JPH1: variants seen among roughly 807,000 people sequenced by gnomAD.
The protein encoded by JPH1 is junctophilin 1.
In JPH1, 12 loss-of-function variants were observed where a neutral mutation model predicts 53.6. That is an observed-to-expected ratio of 0.22 (90% CI 0.14 to 0.36). JPH1 has a LOEUF of 0.36. Ranked by LOEUF, JPH1 falls within the 10% of genes least tolerant of loss-of-function variation. The pLI is 1.00. For missense variants in JPH1, 808 were observed against 905.5 expected, an observed-to-expected ratio of 0.89 and a Z score of 1.38; for synonymous variants, 375 against 363.8, an observed-to-expected ratio of 1.03 and a Z score of -0.35.
In JPH1 at chr8:74,259,376, C is replaced by G; in HGVS notation, c.1258+9G>C. On this transcript the variant is annotated intron_variant, in intron 3 of 5. Coordinates refer to ENST00000342232, the MANE Select transcript of JPH1 (RefSeq NM_020647.4). ...TCCTGCCTCACCCATCAAAGGAGCA[C>G]TGTTTTACCTGGTTGGTAGAAATCA... 4 of 1,606,656 alleles carry G rather than the reference C, an allele frequency of 2.5e-6. No homozygotes were observed. In the East Asian group the frequency reaches 8.9e-5, roughly 36 times the overall value.
intron 2 of JPH1, among the ~76,000 whole-genome samples, chr8:74,265,359 T>C (rs930243498): frequency 8.5e-5 from 13 of 152,192 alleles, no homozygotes; most frequent in African/African-American, 3.1e-4. Context: ...ATAGACTTTA[T>C]TCCTTAACAT....
Position 74,320,990 on chromosome 8 carries a change from G to T in JPH1, c.298C>A (p.Leu100Met). The change falls in exon 1 of 6, where the codon CTG (leucine) becomes ATG (methionine). Residue 100 changes from leucine (L) to methionine (M), a missense_variant. Leu to Met is a conservative substitution (Grantham distance 15). Around this residue, in one of 2 missense-constraint regions of JPH1, gnomAD observed 756 missense variants for 811.9 expected, o/e 0.93. Transcript: ENST00000342232. This position sits in a 1 kb window ranked among gnomAD's most constrained non-coding sequence, Gnocchi z 4.4. ...FKGRYGVRQS[L>M]CTPARYEGTW... ...CCCTCGTAGCGAGCGGGGGTGCACA[G>T]GCTCTGCCGGACCCCGTAGCGCCCC... 6.2e-7 allele frequency: 1 copy of T among 1,612,742 alleles called. No homozygotes were observed. The highest frequency in any genetic ancestry group is 8.5e-7 in the Non-Finnish European group (1 of 1,179,486).
At chr8:74,273,638 T>C (rs563525518) in intron 2 of JPH1, among the ~76,000 whole-genome samples, 22 of 152,332 alleles carry the variant, frequency 1.4e-4, no homozygotes, top group Admixed American at 1.0e-3. Flanking sequence ...GGCTATTATG[T>C]AATTCAATTC....
chr8:74,321,292 G>C lies in JPH1; in HGVS notation c.-5C>G. 1.9e-6 allele frequency: 3 copies of C among 1,555,978 alleles called. No individual in the cohort carries two copies. The highest frequency in any genetic ancestry group is 1.8e-4 in the Middle Eastern group (1 of 5,714). ...GTCGAACCTTCCGCCCGTCATTCGG[G>C]GGGCAGCCCCGGCGCGCTCCCCGCA... On this transcript the variant is annotated 5_prime_UTR_variant, in exon 1 of 6. Coordinates refer to ENST00000342232, the MANE Select transcript of JPH1 (RefSeq NM_020647.4). This position sits in a 1 kb window ranked among gnomAD's most constrained non-coding sequence, Gnocchi z 4.3.
At chr8:74,256,392 T>C (rs920988252) in intron 3 of JPH1, among the ~76,000 whole-genome samples, 6 of 93,442 alleles carry the variant, frequency 6.4e-5, no homozygotes, top group African/African-American at 2.0e-4. Context: ...GGGCCTATCA[T>C]GGGGTGGGGG....
At chr8:74,244,044 G>C (rs1348140596) in intron 4 of JPH1, among the ~76,000 whole-genome samples, 1 of 152,220 alleles carries the variant, frequency 6.6e-6, no homozygotes, top group African/African-American at 2.4e-5. Context: ...GTATGTATGA[G>C]AAGAATTCAC....
intron 1 of JPH1, among the ~76,000 whole-genome samples, chr8:74,319,135 T>G (rs1318953436): frequency 6.6e-6 from 1 of 152,138 alleles, no homozygotes; most frequent in Non-Finnish European, 1.5e-5. Flanking sequence ...TTCTACGACA[T>G]GTACACAGAC....
chr8:74,246,636 G>GA (rs1713111550), intron 3 of JPH1, among the ~76,000 whole-genome samples: 1 of 151,700 alleles, frequency 6.6e-6, no homozygotes, highest in Non-Finnish European at 1.5e-5. Flanking sequence ...TATCTTTTCA[G>GA]AAAAAAACAT....
chr8:74,304,854 T>C (rs1459992474), intron 2 of JPH1, among the ~76,000 whole-genome samples: 4 of 152,224 alleles, frequency 2.6e-5, no homozygotes, highest in African/African-American at 9.6e-5. Context: ...AATAACTTTC[T>C]TTTGGCCCAC....
chr8:74,312,336 C>T (rs1463018281), intron 2 of JPH1, among the ~76,000 whole-genome samples: 1 of 152,094 alleles, frequency 6.6e-6, no homozygotes, highest in African/African-American at 2.4e-5. Flanking sequence ...ACTACAGTCT[C>T]GACCTCTGGG....
At chr8:74,275,801 T>C (rs898119702) in intron 2 of JPH1, among the ~76,000 whole-genome samples, 1 of 152,126 alleles carries the variant, frequency 6.6e-6, no homozygotes, top group Non-Finnish European at 1.5e-5. Context: ...AACAAGGATA[T>C]GAGGCAGACA....
At chr8:74,285,614 T>C (rs901342172) in intron 2 of JPH1, among the ~76,000 whole-genome samples, 1 of 143,752 alleles carries the variant, frequency 7.0e-6, no homozygotes, top group East Asian at 2.0e-4. Context: ...TATTTATGAT[T>C]CTTCTTTATC....
intron 2 of JPH1, among the ~76,000 whole-genome samples, chr8:74,313,162 C>G (rs1328922459): frequency 6.6e-6 from 1 of 152,228 alleles, no homozygotes; most frequent in Non-Finnish European, 1.5e-5. Flanking sequence ...TTTAGCATGT[C>G]ACTAAGTTGT....
At chr8:74,310,622 G>A (rs1307092852) in intron 2 of JPH1, among the ~76,000 whole-genome samples, 1 of 152,162 alleles carries the variant, frequency 6.6e-6, no homozygotes, top group African/African-American at 2.4e-5. Context: ...TCCTGTATGT[G>A]TTTACTGGGG....
chr8:74,253,590 T>C (rs1358006231), intron 3 of JPH1, among the ~76,000 whole-genome samples: 1 of 151,830 alleles, frequency 6.6e-6, no homozygotes, highest in East Asian at 1.9e-4. Flanking sequence ...TTCAAAAAAT[T>C]AATGAATCCA....
At chr8:74,292,181 T>TA (rs1385578187) in intron 2 of JPH1, among the ~76,000 whole-genome samples, 2 of 152,066 alleles carry the variant, frequency 1.3e-5, no homozygotes, top group African/African-American at 4.8e-5. Context: ...ATAATAATAA[T>TA]AAAAAATTAA....
intron 1 of JPH1, among the ~76,000 whole-genome samples, chr8:74,317,862 C>CA (rs1808206765): frequency 6.6e-6 from 1 of 151,918 alleles, no homozygotes; most frequent in Non-Finnish European, 1.5e-5. Context: ...TTAGAATTTC[C>CA]AAAAAAGTAT....
chr8:74,255,896 G>C (rs1021906550), intron 3 of JPH1, among the ~76,000 whole-genome samples: 6 of 152,284 alleles, frequency 3.9e-5, no homozygotes, highest in African/African-American at 1.4e-4. Flanking sequence ...GAGACAACAG[G>C]TGCTGGAGAG....
chr8:74,265,409 A>T (rs535388769), intron 2 of JPH1, among the ~76,000 whole-genome samples: 1 of 152,312 alleles, frequency 6.6e-6, no homozygotes, highest in East Asian at 1.9e-4. Context: ...TATATTCTCC[A>T]GATAGGACAG....
Sources: gnomAD v4.1 joint callset for allele counts (sites outside exome capture counted in the v4.1 genomes callset) on GRCh38, gnomAD v4.1.1 for gene constraint, gnomAD v4.1.1 regional missense constraint, Gnocchi (gnomAD v3.1) non-coding constraint, MANE v1.5 for transcripts, NCBI Gene and HGNC (gene_info 2026-07-23, HGNC 2026-07-21) for gene names.